Variants in ATAD2 observed in about 807,000 individuals in gnomAD.
ATAD2 encodes ATPase family AAA domain containing 2.
A neutral mutation model predicts 168.9 loss-of-function variants in ATAD2; 62 were observed. That is an observed-to-expected ratio of 0.37 (90% CI 0.30 to 0.45). ATAD2 has a LOEUF of 0.45. Among genes scored for constraint, ATAD2 ranks in the 20% least tolerant of loss-of-function variants. ATAD2 has a pLI of 1.00. For synonymous variants in ATAD2, 613 were observed against 571.6 expected (o/e 1.07, Z -1.03); for missense variants, 1,419 against 1,667.8 (o/e 0.85, Z 2.60).
rs1000808334 is a variant in ATAD2 at position 123,359,297 on chromosome 8, C to A, written c.1306G>T (p.Ala436Ser). 2 of 1,612,036 alleles carry A rather than the reference C, an allele frequency of 1.2e-6. No homozygotes were observed. Among genetic ancestry groups the A allele is most frequent in the Non-Finnish European group, 1.7e-6 (2 of 1,179,394 alleles). ...AACACCACCATCTCTTTTAGAGCTGCTATATGATTAGACAGGCCACCAACA... is the reference window on the plus strand; with the variant it reads ...AACACCACCATCTCTTTTAGAGCTGATATATGATTAGACAGGCCACCAACA... ...DSVGGLSNHI[A>S]ALKEMVVFPL... Residue 436 changes from alanine to serine, a missense_variant, in exon 11 of 28, where the codon GCA (alanine) becomes TCA (serine). Around this residue, in one of 5 missense-constraint regions of ATAD2, gnomAD observed 146 missense variants for 188.3 expected, o/e 0.78. Coordinates refer to ENST00000287394, the MANE Select transcript of ATAD2 (RefSeq NM_014109.4).
At chr8:123,331,598 G>A (rs1439620303) in intron 24 of ATAD2, among the ~76,000 whole-genome samples, 1 of 152,160 alleles carries the variant, frequency 6.6e-6, no homozygotes, top group Non-Finnish European at 1.5e-5. Context: ...TGAAAGGGCA[G>A]GGTACTACAG....
chr8:123,363,792 T>C (rs1056920861), intron 8 of ATAD2, among the ~76,000 whole-genome samples: 2 of 152,196 alleles, frequency 1.3e-5, no homozygotes, highest in Non-Finnish European at 2.9e-5. Flanking sequence ...TTAATCTTAA[T>C]TAAAATTTTG....
In ATAD2 at chr8:123,328,453, G is replaced by A; in HGVS notation, c.3605C>T (p.Thr1202Ile). ...TACACTTGTGTCTTGAGTTTCCTCT[G>A]TATCACTCTCAATTTTGTGATCTAT... ...NAIDHKIESDTEETQDTSVDH... is the reference protein window; with the variant it reads ...NAIDHKIESDIEETQDTSVDH... Residue 1202 changes from threonine to isoleucine, a missense_variant, in exon 25 of 28, where the codon ACA becomes ATA. By Grantham distance (89) the Thr-to-Ile change is moderately conservative (BLOSUM62 -1). Transcript: ENST00000287394. 1.2e-6 allele frequency: 2 copies of A among 1,609,786 alleles called. No homozygotes were observed. The highest frequency in any genetic ancestry group is 1.7e-6 in the Non-Finnish European group (2 of 1,178,344).
At chr8:123,409,365 A>G (rs1813119070) in intron 1 of ATAD2, among the ~76,000 whole-genome samples, 1 of 152,188 alleles carries the variant, frequency 6.6e-6, no homozygotes, top group African/African-American at 2.4e-5. Context: ...CACATAGTAC[A>G]TTGCTGCCAT....
chr8:123,380,220 T>C (rs999232305), intron 2 of ATAD2, among the ~76,000 whole-genome samples: 3 of 151,858 alleles, frequency 2.0e-5, no homozygotes, highest in African/African-American at 7.3e-5. Flanking sequence ...CCCGGCTAAT[T>C]ATTTGTATTT....
At position 123,413,234 on chromosome 8, in the gene ATAD2, C is replaced by A. The variant is rs866471095; in HGVS notation, c.-2282+3014G>T. ...CTGGCTCTAATGAGCGCCCCCCCCC[C>A]CCCAACTCCTCCCTGCTTCCTCATT... On this transcript the variant is annotated intron_variant, in intron 1 of 28. Transcript: ENST00000521903. Among the ~76,000 whole-genome samples, 29 of 150,396 alleles carry A rather than the reference C, an allele frequency of 1.9e-4. 1 individual carries two copies. The highest frequency in any genetic ancestry group is 6.6e-4 in the African/African-American group (27 of 41,052).
upstream of ATAD2, among the ~76,000 whole-genome samples, chr8:123,399,984 C>G (rs1459595954): frequency 6.6e-6 from 1 of 151,644 alleles, no homozygotes; most frequent in Non-Finnish European, 1.5e-5. Context: ...GCCAACATGG[C>G]AAAACCTTGT....
At chr8:123,411,011 C>T (rs150174886) in intron 1 of ATAD2, among the ~76,000 whole-genome samples, 2,074 of 152,246 alleles carry the variant, frequency 0.014, 57 homozygotes, top group African/African-American at 0.047. Flanking sequence ...TAACACTCAC[C>T]GCATGGCCCA....
chr8:123,401,193 A>G, upstream of ATAD2: 1 of 943,078 alleles, frequency 1.1e-6, no homozygotes, highest in Non-Finnish European at 1.7e-6. Context: ...AAAGCAAGAA[A>G]GTGAAGCTGC....
In ATAD2 at chr8:123,396,205, C is replaced by A. The variant is rs1209143954; in HGVS notation, c.153G>T (p.Ala51=). 5 of 1,583,700 alleles carry A rather than the reference C, an allele frequency of 3.2e-6. No homozygotes were observed. Among genetic ancestry groups the A allele is most frequent in the African/African-American group, 2.7e-5 (2 of 74,238 alleles). The change falls in exon 1 of 28, where the codon GCG becomes GCT. Residue 51 remains alanine (A), a synonymous_variant. Transcript: ENST00000287394. ...TACTCACGCCCGCTTTGGCTGTGGT[C>A]GCCGCGGGTTTCTTCTGCGCCGCGC... ...SAGAAQKKPA[A]TTAKAGDGSS...
At chr8:123,328,089 A>G (rs1245875038) in intron 25 of ATAD2, 101 bp downstream of exon 25, 1 of 981,574 alleles carries the variant, frequency 1.0e-6, no homozygotes, top group African/African-American at 1.7e-5. Context: ...CTGCTCTCTG[A>G]AAGGCAAGCA....
chr8:123,383,824 C>T (rs1829567019), intron 1 of ATAD2, among the ~76,000 whole-genome samples: 1 of 151,492 alleles, frequency 6.6e-6, no homozygotes, highest in South Asian at 2.1e-4. Context: ...TAGCTCACGC[C>T]TGTAATCCCA....
At chr8:123,331,634 A>T (rs951187858) in intron 24 of ATAD2, among the ~76,000 whole-genome samples, 1 of 152,200 alleles carries the variant, frequency 6.6e-6, no homozygotes, top group African/African-American at 2.4e-5. Flanking sequence ...TATGTTACAT[A>T]ACAAACAATT....
At chr8:123,385,727 C>A (rs529183646) in intron 1 of ATAD2, among the ~76,000 whole-genome samples, 1 of 151,346 alleles carries the variant, frequency 6.6e-6, no homozygotes, top group African/African-American at 2.4e-5. Flanking sequence ...CTACAGAATA[C>A]GAAAAAAATC....
At chr8:123,329,529 G>A (rs1827713318) in intron 24 of ATAD2, among the ~76,000 whole-genome samples, 1 of 152,000 alleles carries the variant, frequency 6.6e-6, no homozygotes, top group African/African-American at 2.4e-5. Flanking sequence ...TTGGGAGGCT[G>A]AGGCGGGCGG....
At chr8:123,361,424 T>C in intron 9 of ATAD2, 115 bp downstream of exon 9, 1 of 701,766 alleles carries the variant, frequency 1.4e-6, no homozygotes, top group Non-Finnish European at 2.5e-6. Flanking sequence ...TACATTAACC[T>C]GTTGTGCAAC....
Position 123,411,460 on chromosome 8 carries a change from G to A in ATAD2, c.-2282+4788C>T, listed in dbSNP as rs553808448. Among the ~76,000 whole-genome samples, 158 of 152,258 alleles carry A rather than the reference G, an allele frequency of 1.0e-3. 1 individual carries two copies. Among genetic ancestry groups the A allele is most frequent in the African/African-American group, 3.3e-3 (136 of 41,552 alleles). On this transcript the variant is annotated intron_variant, in intron 1 of 28. Coordinates refer to the ATAD2 transcript ENST00000521903. Reference sequence around the variant, plus strand: ...GGCGGACTGAGAGACAGGACTAGCTGGATTTCCTAGGCCGACTAAGAATCC... The same window carrying A: ...GGCGGACTGAGAGACAGGACTAGCTAGATTTCCTAGGCCGACTAAGAATCC...
At chr8:123,336,642 T>A in intron 21 of ATAD2, 110 bp from the exon 22 acceptor site, 1 of 792,846 alleles carries the variant, frequency 1.3e-6, no homozygotes, top group Non-Finnish European at 1.8e-6. Context: ...CGTAAGAGAT[T>A]ATGATAATAT....
intron 18 of ATAD2, 124 bp from the exon 19 acceptor site, chr8:123,345,193 G>GCTTCTC: frequency 1.3e-6 from 1 of 771,252 alleles, no homozygotes; most frequent in East Asian, 3.0e-5. Flanking sequence ...TTTTTAAAAT[G>GCTTCTC]CTTCTCCAAA....
Sources: allele counts gnomAD v4.1 joint callset (sites outside exome capture counted in the v4.1 genomes callset), GRCh38; gene constraint gnomAD v4.1.1; regional missense constraint gnomAD v4.1.1; transcripts MANE v1.5; gene names NCBI Gene and HGNC (gene_info 2026-07-23, HGNC 2026-07-21).